JPH1: variants seen among roughly 807,000 people sequenced by gnomAD.
JPH1 encodes the protein junctophilin-1.
A neutral mutation model predicts 53.6 loss-of-function variants in JPH1; 12 were observed. The ratio of observed to expected loss-of-function variants is 0.22; its 90% CI spans 0.14 to 0.36. The LOEUF is 0.36. JPH1 is among the 10% of genes least tolerant of loss of function. The pLI is 1.00. For missense variants in JPH1, 808 were observed against 905.5 expected, an observed-to-expected ratio of 0.89 and a Z score of 1.38; for synonymous variants, 375 against 363.8, an observed-to-expected ratio of 1.03 and a Z score of -0.35.
intron 2 of JPH1, among the ~76,000 whole-genome samples, chr8:74,286,043 T>C (rs535952141): frequency 2.1e-4 from 32 of 152,308 alleles, no homozygotes; most frequent in Admixed American, 1.2e-3. Context: ...TCATCACTTG[T>C]AAATACAGGG....
chr8:74,251,632 AT>A (rs1806065902), intron 3 of JPH1, among the ~76,000 whole-genome samples: 1 of 152,082 alleles, frequency 6.6e-6, no homozygotes, highest in South Asian at 2.1e-4. Context: ...TTTATTTAAA[AT>A]TTTTTTGATT....
chr8:74,261,878 G>A (rs1317223806), intron 2 of JPH1, among the ~76,000 whole-genome samples: 4 of 152,092 alleles, frequency 2.6e-5, no homozygotes, highest in Non-Finnish European at 4.4e-5. Context: ...ATTCAATCAC[G>A]ACACACCACC....
At chr8:74,299,802 C>T (rs1349292732) in intron 2 of JPH1, among the ~76,000 whole-genome samples, 1 of 152,136 alleles carries the variant, frequency 6.6e-6, no homozygotes, top group Non-Finnish European at 1.5e-5. Context: ...GTATCTTTAA[C>T]ATGTTGTCAT....
Position 74,320,966 on chromosome 8 carries a change from C to A in JPH1, c.322G>T (p.Gly108Cys). ...QSLCTPARYE[G>C]TWSNGLQDGY... Reference sequence around the variant, plus strand: ...TCTTGCAGCCCGTTACTCCAGGTACCCTCGTAGCGAGCGGGGGTGCACAGG... The same window carrying A: ...TCTTGCAGCCCGTTACTCCAGGTACACTCGTAGCGAGCGGGGGTGCACAGG... Residue 108 changes from glycine to cysteine, a missense_variant, in exon 1 of 6, where the codon GGT becomes TGT. Physicochemically the swap from Gly to Cys is radical, Grantham distance 159. Around this residue, in one of 2 missense-constraint regions of JPH1, gnomAD observed 756 missense variants for 811.9 expected, o/e 0.93. Transcript: ENST00000342232. This position sits in a 1 kb window ranked among gnomAD's most constrained non-coding sequence, Gnocchi z 4.4. 6.2e-7 allele frequency: 1 copy of A among 1,609,552 alleles called. No individual in the cohort carries two copies. The highest frequency in any genetic ancestry group is 1.1e-5 in the South Asian group (1 of 90,432).
chr8:74,245,582 G>A (rs1017974499), intron 3 of JPH1, among the ~76,000 whole-genome samples: 13 of 152,204 alleles, frequency 8.5e-5, no homozygotes, highest in Non-Finnish European at 1.5e-4. Context: ...TGTAAGAGGA[G>A]AACCTGTAGA....
chr8:74,287,403 G>A, intron 2 of JPH1, among the ~76,000 whole-genome samples: 1 of 150,536 alleles, frequency 6.6e-6, no homozygotes, highest in Non-Finnish European at 1.5e-5. Flanking sequence ...CTGGGCAACA[G>A]AGCGAGACTC....
intron 2 of JPH1, among the ~76,000 whole-genome samples, chr8:74,277,185 T>A (rs1806872656): frequency 1.3e-5 from 2 of 152,178 alleles, no homozygotes; most frequent in Non-Finnish European, 1.5e-5. Context: ...GCCCTCTGCC[T>A]GCAAAGCCAC....
intron 2 of JPH1, among the ~76,000 whole-genome samples, chr8:74,313,844 A>T (rs567419123): frequency 6.6e-6 from 1 of 152,336 alleles, no homozygotes; most frequent in Non-Finnish European, 1.5e-5. Flanking sequence ...GTCAGTACTC[A>T]CTTAAATAAG....
Position 74,235,218 on chromosome 8 carries a change from T to A in JPH1, c.*1833A>T, listed in dbSNP as rs530303928. ...AGAGTACTGAGAGTGACGCAGGAAC[T>A]TTAAACATTTGTTCTCAGGTAAAAA... On this transcript the variant is annotated 3_prime_UTR_variant, in exon 6 of 6. Coordinates refer to ENST00000342232, the MANE Select transcript of JPH1 (RefSeq NM_020647.4). 3.9e-5 allele frequency: 6 copies of A among 152,758 alleles called. No homozygotes were observed. The East Asian group carries it at 1.2e-3, about 29-fold the overall frequency. 9.5% of individuals were successfully genotyped at this position (152,758 alleles called of 1,614,324 possible).
intron 2 of JPH1, among the ~76,000 whole-genome samples, chr8:74,307,886 T>C (rs1466331177): frequency 6.6e-6 from 1 of 152,198 alleles, no homozygotes; most frequent in Non-Finnish European, 1.5e-5. Flanking sequence ...TAGCAGAGAA[T>C]AGGCTTTTTT....
At chr8:74,310,595 G>T (rs1173825214) in intron 2 of JPH1, among the ~76,000 whole-genome samples, 1 of 152,106 alleles carries the variant, frequency 6.6e-6, no homozygotes, top group African/African-American at 2.4e-5. Flanking sequence ...CCCATAATAA[G>T]CCTTCTGAAA....
chr8:74,299,104 C>T (rs962200467), intron 2 of JPH1, among the ~76,000 whole-genome samples: 1 of 152,098 alleles, frequency 6.6e-6, no homozygotes, highest in Non-Finnish European at 1.5e-5. Context: ...GGGGTCTTCT[C>T]CCACCTGGTA....
intron 2 of JPH1, among the ~76,000 whole-genome samples, chr8:74,269,053 T>C (rs79568913): frequency 0.011 from 1,676 of 152,194 alleles, 22 homozygotes; most frequent in African/African-American, 0.038. Flanking sequence ...GAACTCACAG[T>C]TGAAAAACAT....
At chr8:74,243,895 C>T (rs1195431692) in intron 4 of JPH1, among the ~76,000 whole-genome samples, 2 of 152,168 alleles carry the variant, frequency 1.3e-5, no homozygotes. Flanking sequence ...TACCAGAAAA[C>T]TGAAATTGTA....
intron 2 of JPH1, among the ~76,000 whole-genome samples, chr8:74,272,325 G>A (rs1806722886): frequency 1.3e-5 from 2 of 152,118 alleles, no homozygotes; most frequent in Admixed American, 6.5e-5. Context: ...TAAATATCAT[G>A]TTCACTCTTC....
chr8:74,300,207 T>C (rs748626825), intron 2 of JPH1, among the ~76,000 whole-genome samples: 4 of 152,264 alleles, frequency 2.6e-5, no homozygotes, highest in Non-Finnish European at 5.9e-5. Flanking sequence ...AACTGCTTTA[T>C]AAACAAGTCA....
chr8:74,274,460 A>G (rs925260209), intron 2 of JPH1, among the ~76,000 whole-genome samples: 2 of 152,216 alleles, frequency 1.3e-5, no homozygotes, highest in African/African-American at 2.4e-5. Flanking sequence ...GCACGCACAT[A>G]AAAAAGCCAG....
chr8:74,321,171 C>G lies in JPH1; in HGVS notation c.117G>C (p.Ser39=). The part of the protein sequence containing the change: ...CTGPKGQGEY[S]GSWSHGFEVV... ...CCTCGAAGCCGTGCGACCAGGAGCC[C>G]GAGTACTCGCCCTGGCCCTTGGGCC... The change falls in exon 1 of 6, where the codon TCG becomes TCC. Residue 39 remains serine, a synonymous_variant. Transcript: ENST00000342232. The surrounding 1 kb of genome is among the most constrained non-coding windows in gnomAD (Gnocchi z 4.3). The G allele has an allele frequency of 6.2e-7, 1 of 1,613,382 alleles. No homozygotes were observed. The highest frequency in any genetic ancestry group is 8.5e-7 in the Non-Finnish European group (1 of 1,179,806).
chr8:74,303,973 A>G (rs1267627841), intron 2 of JPH1, among the ~76,000 whole-genome samples: 1 of 152,084 alleles, frequency 6.6e-6, no homozygotes, highest in East Asian at 1.9e-4. Context: ...CCCAACCACA[A>G]TGTACATTTT....
Sources: gnomAD v4.1 joint callset for allele counts (sites outside exome capture counted in the v4.1 genomes callset) on GRCh38, gnomAD v4.1.1 for gene constraint, gnomAD v4.1.1 regional missense constraint, Gnocchi (gnomAD v3.1) non-coding constraint, MANE v1.5 for transcripts, NCBI Gene and HGNC (gene_info 2026-07-23, HGNC 2026-07-21) for gene names.